The following KCTD8 variants were observed in gnomAD, a reference collection of about 807,000 sequenced individuals.
The protein encoded by KCTD8 is potassium channel tetramerization domain containing 8.
Under a neutral mutation model 31.5 loss-of-function variants are expected in KCTD8, and 27 were observed. That is an observed-to-expected ratio of 0.86 (90% confidence interval 0.63 to 1.18). The LOEUF is 1.18. KCTD8 is among the 50% of genes most tolerant of loss of function. KCTD8 has a pLI of 0.00. For missense variants in KCTD8, 658 were observed against 647.7 expected, an observed-to-expected ratio of 1.02 and a Z score of -0.17; for synonymous variants, 290 against 280.0, an observed-to-expected ratio of 1.04 and a Z score of -0.36.
At chr4:44,280,855 A>G (rs990997009) in intron 1 of KCTD8, among the ~76,000 whole-genome samples, 3 of 152,056 alleles carry the variant, frequency 2.0e-5, no homozygotes, top group African/African-American at 4.8e-5. Flanking sequence ...ATGAGTTTAA[A>G]TTGGGAGAAA....
chr4:44,246,400 G>A (rs1440920012), intron 1 of KCTD8, among the ~76,000 whole-genome samples: 1 of 151,748 alleles, frequency 6.6e-6, no homozygotes, highest in African/African-American at 2.4e-5. Context: ...TTTTATGTAC[G>A]GTTTTTAACC....
chr4:44,294,853 A>C (rs1209382249), intron 1 of KCTD8, among the ~76,000 whole-genome samples: 1 of 152,128 alleles, frequency 6.6e-6, no homozygotes, highest in African/African-American at 2.4e-5. Context: ...AGCACCCTTC[A>C]TGTTTAAGGT....
intron 1 of KCTD8, among the ~76,000 whole-genome samples, chr4:44,264,397 AG>A (rs1716272614): frequency 6.6e-6 from 1 of 152,174 alleles, no homozygotes; most frequent in Non-Finnish European, 1.5e-5. Flanking sequence ...GTTTCACATT[AG>A]GGCAGTTTTC....
At chr4:44,206,674 T>A (rs746436302) in intron 1 of KCTD8, among the ~76,000 whole-genome samples, 7 of 151,642 alleles carry the variant, frequency 4.6e-5, no homozygotes, top group Non-Finnish European at 1.0e-4. Flanking sequence ...CATACCCCAA[T>A]GAGATTGAAA....
At chr4:44,254,368 T>C (rs1383551060) in intron 1 of KCTD8, among the ~76,000 whole-genome samples, 6 of 151,912 alleles carry the variant, frequency 3.9e-5, no homozygotes, top group Admixed American at 3.3e-4. Flanking sequence ...AAACACGTTT[T>C]TAAGGTCACA....
chr4:44,218,888 C>G (rs74651587), intron 1 of KCTD8, among the ~76,000 whole-genome samples: 1 of 152,102 alleles, frequency 6.6e-6, no homozygotes, highest in African/African-American at 2.4e-5. Context: ...ATGACACTGA[C>G]TTTCGTAACA....
At chr4:44,252,344 T>C (rs1333556190) in intron 1 of KCTD8, among the ~76,000 whole-genome samples, 1 of 151,792 alleles carries the variant, frequency 6.6e-6, no homozygotes, top group South Asian at 2.1e-4. Context: ...TATTTTTTCA[T>C]ATAATGACTT....
chr4:44,357,089 C>CAAA (rs11368270), intron 1 of KCTD8, among the ~76,000 whole-genome samples: 28 of 143,484 alleles, frequency 2.0e-4, no homozygotes, highest in African/African-American at 6.7e-4. Flanking sequence ...GCATTTGAGG[C>CAAA]AAAAAAAAAA....
chr4:44,441,844 T>C (rs1721818600), intron 1 of KCTD8, among the ~76,000 whole-genome samples: 1 of 152,202 alleles, frequency 6.6e-6, no homozygotes, highest in Non-Finnish European at 1.5e-5. Flanking sequence ...TTCTGTACCT[T>C]GAAATAATCA....
intron 1 of KCTD8, among the ~76,000 whole-genome samples, chr4:44,348,821 G>A (rs1447418221): frequency 6.6e-6 from 1 of 152,014 alleles, no homozygotes; most frequent in Non-Finnish European, 1.5e-5. Context: ...CTCCTTGACA[G>A]GTTGGCAGTA....
intron 1 of KCTD8, among the ~76,000 whole-genome samples, chr4:44,233,377 T>C (rs1292339167): frequency 6.6e-6 from 1 of 152,194 alleles, no homozygotes; most frequent in African/African-American, 2.4e-5. Flanking sequence ...GTGAATCTAA[T>C]AATCACAAAT....
intron 1 of KCTD8, among the ~76,000 whole-genome samples, chr4:44,229,713 A>G (rs939662129): frequency 4.0e-5 from 6 of 151,822 alleles, no homozygotes; most frequent in African/African-American, 1.5e-4. Context: ...TTTCTTCTTC[A>G]GGAAGGTATG....
intron 1 of KCTD8, among the ~76,000 whole-genome samples, chr4:44,326,844 G>A (rs895496702): frequency 6.6e-6 from 1 of 151,780 alleles, no homozygotes; most frequent in Non-Finnish European, 1.5e-5. Context: ...TGAGTAACAG[G>A]TATTCTGAGA....
chr4:44,235,955 G>A (rs758842738), intron 1 of KCTD8, among the ~76,000 whole-genome samples: 1 of 152,062 alleles, frequency 6.6e-6, no homozygotes. Context: ...CAAAGTGTGA[G>A]CCGGGATAAA....
intron 1 of KCTD8, among the ~76,000 whole-genome samples, chr4:44,235,578 T>TATATATAG (rs1553895183): frequency 1.9e-4 from 12 of 64,106 alleles, no homozygotes; most frequent in Non-Finnish European, 3.3e-4. Flanking sequence ...TATATATATT[T>TATATATAG]AGAGAGAGAG....
intron 1 of KCTD8, among the ~76,000 whole-genome samples, chr4:44,438,261 G>A (rs2109482426): frequency 6.6e-6 from 1 of 152,236 alleles, no homozygotes; most frequent in Non-Finnish European, 1.5e-5. Context: ...AGCTAACATA[G>A]TTTTCTTAAA....
chr4:44,412,102 G>C (rs1029647847), intron 1 of KCTD8, among the ~76,000 whole-genome samples: 3 of 152,070 alleles, frequency 2.0e-5, no homozygotes, highest in Non-Finnish European at 4.4e-5. Context: ...ACTGGGCAGG[G>C]TAAATAATTT....
intron 1 of KCTD8, among the ~76,000 whole-genome samples, chr4:44,190,692 T>C (rs1371926937): frequency 1.3e-5 from 2 of 152,196 alleles, no homozygotes; most frequent in East Asian, 1.9e-4. Context: ...CCTTACATCT[T>C]TGGCCAAAAA....
chr4:44,359,765 G>A (rs1442699682), intron 1 of KCTD8, among the ~76,000 whole-genome samples: 1 of 152,034 alleles, frequency 6.6e-6, no homozygotes, highest in African/African-American at 2.4e-5. Context: ...TTCTGAATAA[G>A]TTTAAAATTC....
Sources: gnomAD v4.1 joint callset for allele counts (sites outside exome capture counted in the v4.1 genomes callset) on GRCh38, gnomAD v4.1.1 for gene constraint, MANE v1.5 for transcripts, NCBI Gene and HGNC (gene_info 2026-07-23, HGNC 2026-07-21) for gene names.